The following KIF16B variants were observed in gnomAD, a reference collection of about 807,000 sequenced individuals.
KIF16B encodes the protein kinesin family member 16B.
Under a neutral mutation model 156.3 loss-of-function variants are expected in KIF16B, and 98 were observed. The ratio of observed to expected loss-of-function variants is 0.63; its 90% CI spans 0.53 to 0.74. KIF16B has a LOEUF of 0.74. Among genes scored for constraint, KIF16B ranks in the 30% least tolerant of loss-of-function variants. The pLI is 0.00. For missense variants in KIF16B, 1,421 were observed against 1,606.5 expected (o/e 0.88, Z 1.97); for synonymous variants, 564 against 583.7 (o/e 0.97, Z 0.49).
At chr20:16,511,333 C>T (rs1346151234) in intron 6 of KIF16B, 85 bp downstream of exon 6, 1 of 695,800 alleles carries the variant, frequency 1.4e-6, no homozygotes, top group Non-Finnish European at 2.4e-6. Flanking sequence ...TTTAAAAGCT[C>T]ACCATTATGC....
chr20:16,493,022 G>A (rs2068342540), intron 12 of KIF16B, among the ~76,000 whole-genome samples: 1 of 152,142 alleles, frequency 6.6e-6, no homozygotes, highest in African/African-American at 2.4e-5. Context: ...TCTGAAATAT[G>A]AACGAAGTAT....
chr20:16,556,297 T>C (rs905882984), intron 1 of KIF16B, among the ~76,000 whole-genome samples: 1 of 152,210 alleles, frequency 6.6e-6, no homozygotes, highest in Non-Finnish European at 1.5e-5. Context: ...CTCAACAGAA[T>C]GGCTCTCCAC....
At chr20:16,384,645 G>A (rs6105591) in intron 17 of KIF16B, among the ~76,000 whole-genome samples, 299 of 152,234 alleles carry the variant, frequency 2.0e-3, no homozygotes, top group Non-Finnish European at 3.3e-3. Context: ...ATGGGTGGGG[G>A]AGCAATATGA....
rs1006649958 is a variant in KIF16B at position 16,272,734 on chromosome 20, C to T, written c.*519G>A. On this transcript the variant is annotated 3_prime_UTR_variant, in exon 26 of 26. Transcript: ENST00000354981. ...TGGGTTTTATATAAAAGTTCTGATTCAAATGAGGGAAAAAAAGAAAAAAAT... is the reference window on the plus strand; with the variant it reads ...TGGGTTTTATATAAAAGTTCTGATTTAAATGAGGGAAAAAAAGAAAAAAAT... 1 of 152,050 alleles carries T rather than the reference C, an allele frequency of 6.6e-6. No homozygotes were observed. Among genetic ancestry groups the T allele is most frequent in the African/African-American group, 2.4e-5 (1 of 41,120 alleles). The allele number at this position is 152,050 out of a possible 1,614,324, so 9.4% of individuals were successfully genotyped here. A position where few individuals can be genotyped will look rare whatever the true frequency, so the allele number is the denominator to read the frequency against.
At chr20:16,301,374 C>G (rs116124015) in intron 25 of KIF16B, among the ~76,000 whole-genome samples, 76 of 152,260 alleles carry the variant, frequency 5.0e-4, no homozygotes, top group Non-Finnish European at 1.5e-5. Context: ...CTGGATCATA[C>G]GGTTAAGAGT....
In KIF16B at chr20:16,306,023, T is replaced by C. The variant is rs1051810382; in HGVS notation, c.3795+6312A>G. 3.3e-5 allele frequency among the ~76,000 whole-genome samples: 5 copies of C among 152,196 alleles called. No homozygotes were observed. The South Asian group carries it at 8.3e-4, about 25-fold the overall frequency. ...ATTATTAATACACTCAATCAGAGAA[T>C]TGCCCCCAGCATCCAATCCAGAACA... On this transcript the variant is annotated intron_variant, in intron 25 of 25. Transcript: ENST00000354981.
rs6043887 is a variant in KIF16B at position 16,320,330 on chromosome 20, A to G, written c.3712-7912T>C. Reference sequence around the variant, plus strand: ...TCAACAAAATATTACAAGGCAAATTAAAAGGCAAAAACACAGTCTAAAGCT... The same window carrying G: ...TCAACAAAATATTACAAGGCAAATTGAAAGGCAAAAACACAGTCTAAAGCT... On this transcript the variant is annotated intron_variant, in intron 24 of 25. Coordinates refer to ENST00000354981, the MANE Select transcript of KIF16B (RefSeq NM_024704.5). Among the ~76,000 whole-genome samples, 343 of 152,324 alleles carry G rather than the reference A, an allele frequency of 2.3e-3. 4 individuals carry two copies. In the East Asian group the frequency reaches 0.029, roughly 13 times the overall value.
intron 17 of KIF16B, among the ~76,000 whole-genome samples, chr20:16,385,313 G>A (rs967675257): frequency 3.3e-5 from 5 of 152,166 alleles, no homozygotes; most frequent in Non-Finnish European, 1.5e-5. Flanking sequence ...CACTCAGCAG[G>A]TTGAACTGAC....
intron 23 of KIF16B, 119 bp from the exon 24 acceptor site, chr20:16,336,134 A>AATTT (rs1363830247): frequency 1.6e-6 from 1 of 642,124 alleles, no homozygotes; most frequent in Non-Finnish European, 2.7e-6. Context: ...TTTCTCTAGA[A>AATTT]CTGAAAACAT....
intron 25 of KIF16B, among the ~76,000 whole-genome samples, chr20:16,295,866 C>G (rs936739442): frequency 6.6e-6 from 1 of 152,186 alleles, no homozygotes; most frequent in Admixed American, 6.5e-5. Context: ...ACATATGATT[C>G]AAAATGGTCA....
rs2068715045 is a variant in KIF16B at position 16,504,406 on chromosome 20, G to A, written c.1142C>T (p.Ala381Val). The A allele has an allele frequency of 6.2e-7, 1 of 1,614,112 alleles. No homozygotes were observed. Among genetic ancestry groups the A allele is most frequent in the African/African-American group, 1.3e-5 (1 of 75,030 alleles). Residue 381 changes from alanine to valine, a missense_variant, in exon 10 of 26, where the codon GCC (alanine) becomes GTC (valine). Transcript: ENST00000354981. Reference protein sequence around the residue: ...KLIRELRAEIARLKTLLAQGN... With the variant: ...KLIRELRAEIVRLKTLLAQGN... The stretch of plus-strand genomic sequence containing the variant: ...TTGAGCAAGCAGCGTTTTCAGTCTG[G>A]CTATTTCAGCTCGCAGCTCACGGAT...
intron 23 of KIF16B, among the ~76,000 whole-genome samples, chr20:16,349,252 GGCCCACCTGCTA>G (rs1222166517): frequency 2.0e-5 from 3 of 152,182 alleles, no homozygotes; most frequent in African/African-American, 7.2e-5. Context: ...TAGAACACCC[GGCCCACCTGCTA>G]GCCCACCATC....
At chr20:16,277,642 C>G (rs74338080) in intron 25 of KIF16B, among the ~76,000 whole-genome samples, 13,623 of 151,980 alleles carry the variant, frequency 0.09, 877 homozygotes, top group East Asian at 0.34. Context: ...GTCACCGTAG[C>G]CCTCCCAGGA....
At chr20:16,366,977 T>C in intron 22 of KIF16B, 1 of 1,293,514 alleles carries the variant, frequency 7.7e-7, no homozygotes, top group Non-Finnish European at 9.8e-7. Flanking sequence ...GTTTTTATTT[T>C]ATTGTAGATA....
chr20:16,282,298 G>A (rs2063158699), intron 25 of KIF16B, among the ~76,000 whole-genome samples: 1 of 151,688 alleles, frequency 6.6e-6, no homozygotes, highest in Admixed American at 6.6e-5. Context: ...CTCCCAAAGT[G>A]CTGGGATTAC....
rs898116054 is a variant in KIF16B at position 16,272,668 on chromosome 20, C to T, written c.*585G>A. 4 of 152,472 alleles carry T rather than the reference C, an allele frequency of 2.6e-5. No homozygotes were observed. Among genetic ancestry groups the T allele is most frequent in the African/African-American group, 9.7e-5 (4 of 41,380 alleles). The allele number at this position is 152,472 out of a possible 1,614,324, so 9.4% of individuals were successfully genotyped here. ...TACAGTCATGATTGGATCAAAAAAT[C>T]CCTTTTGCAGAATATGAAATTCTGT... On this transcript the variant is annotated 3_prime_UTR_variant, in exon 26 of 26. Coordinates refer to ENST00000354981, the MANE Select transcript of KIF16B (RefSeq NM_024704.5).
chr20:16,497,015 T>TAA (rs771279827), intron 11 of KIF16B, among the ~76,000 whole-genome samples: 1 of 146,562 alleles, frequency 6.8e-6, no homozygotes, highest in South Asian at 2.2e-4. Flanking sequence ...CACAGAAGTT[T>TAA]AAAAAAAAAA....
In KIF16B at chr20:16,429,995, G is replaced by C. The variant is rs773263544; in HGVS notation, c.1303-13C>G. ...CTAGAGTTTGTTCCTGAAATTAAGA[G>C]GAAAAGAAAAAGAAAAGGTTACTTT... On this transcript the variant is annotated splice_polypyrimidine_tract_variant and intron_variant, in intron 12 of 25. Coordinates refer to ENST00000354981, the MANE Select transcript of KIF16B (RefSeq NM_024704.5). 5.0e-5 allele frequency: 79 copies of C among 1,590,252 alleles called. No homozygotes were observed. Among genetic ancestry groups the C allele is most frequent in the Non-Finnish European group, 6.7e-5 (78 of 1,172,726 alleles).
intron 12 of KIF16B, among the ~76,000 whole-genome samples, chr20:16,444,670 C>A (rs2066886682): frequency 6.6e-6 from 1 of 152,210 alleles, no homozygotes; most frequent in African/African-American, 2.4e-5. Flanking sequence ...TAGTTTTACA[C>A]AGTTACATAA....
Sources: gnomAD v4.1 joint callset for allele counts (sites outside exome capture counted in the v4.1 genomes callset) on GRCh38, gnomAD v4.1.1 for gene constraint, MANE v1.5 for transcripts, NCBI Gene and HGNC (gene_info 2026-07-23, HGNC 2026-07-21) for gene names.